DNAJB6: variants seen among roughly 807,000 people sequenced by gnomAD.
DNAJB6 encodes DnaJ heat shock protein family (Hsp40) member B6, also known as dnaJ homolog subfamily B member 6.
Under a neutral mutation model 42.7 loss-of-function variants are expected in DNAJB6, and 16 were observed. The ratio of observed to expected loss-of-function variants is 0.37; its 90% CI spans 0.25 to 0.57. The LOEUF is 0.57. Among genes scored for constraint, DNAJB6 ranks in the 20% least tolerant of loss-of-function variants. The pLI is 0.74. For missense variants in DNAJB6, 347 were observed against 416.8 expected, an observed-to-expected ratio of 0.83 and a Z score of 1.46; for synonymous variants, 170 against 163.5, an observed-to-expected ratio of 1.04 and a Z score of -0.30.
chr7:157,363,914 G>C (rs1194194148), intron 3 of DNAJB6, among the ~76,000 whole-genome samples: 2 of 152,064 alleles, frequency 1.3e-5, no homozygotes, highest in East Asian at 3.9e-4. Flanking sequence ...GGCCTGGGGT[G>C]GGGGAACAGT....
intron 8 of DNAJB6, among the ~76,000 whole-genome samples, chr7:157,397,885 C>T (rs988814856): frequency 1.3e-5 from 2 of 152,228 alleles, no homozygotes; most frequent in Admixed American, 1.3e-4. Context: ...GCGTGGTGGC[C>T]CACGCCTGTA....
chr7:157,339,636 TGTGTGTGTGTGA>T (rs199969541), intron 1 of DNAJB6, among the ~76,000 whole-genome samples: 10,147 of 74,894 alleles, frequency 0.14, 462 homozygotes, highest in Middle Eastern at 0.28. Flanking sequence ...TGTGTGTGTG[TGTGTGTGTGTGA>T]GATGGAGTTT....
intron 8 of DNAJB6, among the ~76,000 whole-genome samples, chr7:157,386,617 CA>C (rs58648739): frequency 0.55 from 84,057 of 151,984 alleles, 23,548 homozygotes; most frequent in East Asian, 0.75. Flanking sequence ...CGCGGTAGCT[CA>C]ACGCCTGTAA....
At chr7:157,399,469 C>T (rs562909966) in intron 8 of DNAJB6, among the ~76,000 whole-genome samples, 3 of 152,334 alleles carry the variant, frequency 2.0e-5, no homozygotes, top group Admixed American at 1.3e-4. Context: ...AGGTTTGTAT[C>T]CTTGCCGTTG....
chr7:157,389,236 T>C (rs1801223787), intron 8 of DNAJB6, among the ~76,000 whole-genome samples: 1 of 152,252 alleles, frequency 6.6e-6, no homozygotes, highest in Non-Finnish European at 1.5e-5. Flanking sequence ...CTAGATATCA[T>C]TTCTTTCCGG....
chr7:157,376,201 G>T (rs549139728), intron 5 of DNAJB6, among the ~76,000 whole-genome samples: 1 of 152,270 alleles, frequency 6.6e-6, no homozygotes, highest in South Asian at 2.1e-4. Context: ...TGTTCTTCAA[G>T]TTTGTATGTG....
chr7:157,347,810 T>C (rs541906654), intron 1 of DNAJB6, among the ~76,000 whole-genome samples: 21 of 152,358 alleles, frequency 1.4e-4, no homozygotes, highest in African/African-American at 4.8e-4. Flanking sequence ...TTATTTGTTT[T>C]TTTGAGTTGG....
At chr7:157,415,895 A>G (rs1584956328) in intron 9 of DNAJB6, 121 bp from the exon 10 acceptor site, 1 of 1,566,460 alleles carries the variant, frequency 6.4e-7, no homozygotes, top group Non-Finnish European at 8.7e-7. Flanking sequence ...TGGCCAAGAT[A>G]GATGACTTCA....
chr7:157,406,107 C>T (rs1291886138), intron 8 of DNAJB6, among the ~76,000 whole-genome samples: 1 of 152,236 alleles, frequency 6.6e-6, no homozygotes, highest in Non-Finnish European at 1.5e-5. Flanking sequence ...CTGTTCAGAC[C>T]AACTGTGTGT....
chr7:157,348,695 T>G (rs1293144674), intron 1 of DNAJB6, among the ~76,000 whole-genome samples: 1 of 152,160 alleles, frequency 6.6e-6, no homozygotes, highest in Non-Finnish European at 1.5e-5. Flanking sequence ...ACACCACCGC[T>G]TAACTCTTCT....
intron 9 of DNAJB6, chr7:157,415,132 C>G (rs930676436): frequency 6.6e-6 from 1 of 152,268 alleles, no homozygotes; most frequent in African/African-American, 2.4e-5. Flanking sequence ...CCTGCCCTGC[C>G]TGCTGCCGGC....
chr7:157,343,205 G>C (rs1253886240), intron 1 of DNAJB6, among the ~76,000 whole-genome samples: 3 of 151,728 alleles, frequency 2.0e-5, no homozygotes, highest in African/African-American at 7.3e-5. Context: ...CTGTTGCTCA[G>C]GCAGGAGTGC....
chr7:157,341,293 T>G (rs140399825), intron 1 of DNAJB6, among the ~76,000 whole-genome samples: 1 of 151,812 alleles, frequency 6.6e-6, no homozygotes. Flanking sequence ...CCCGACTGAT[T>G]TTTGTATTTT....
intron 2 of DNAJB6, among the ~76,000 whole-genome samples, chr7:157,361,580 G>A (rs1799599712): frequency 6.6e-6 from 1 of 152,198 alleles, no homozygotes; most frequent in Admixed American, 6.5e-5. Context: ...GTTAAATTGA[G>A]CCACAACAGC....
intron 2 of DNAJB6, among the ~76,000 whole-genome samples, chr7:157,362,701 G>A (rs562085329): frequency 6.6e-6 from 1 of 152,280 alleles, no homozygotes; most frequent in East Asian, 1.9e-4. Flanking sequence ...GCTCAGTCTT[G>A]TCACTGTCAG....
At chr7:157,371,036 C>G (rs1466936545) in intron 5 of DNAJB6, among the ~76,000 whole-genome samples, 1 of 152,200 alleles carries the variant, frequency 6.6e-6, no homozygotes, top group Non-Finnish European at 1.5e-5. Flanking sequence ...TGAGCCCCAC[C>G]TCCTATCAGC....
chr7:157,391,253 G>A (rs1364994054), intron 8 of DNAJB6, among the ~76,000 whole-genome samples: 1 of 152,180 alleles, frequency 6.6e-6, no homozygotes, highest in Non-Finnish European at 1.5e-5. Context: ...GACACGTTTC[G>A]TACACACATT....
intron 1 of DNAJB6, among the ~76,000 whole-genome samples, chr7:157,337,352 C>T (rs1316113207): frequency 2.8e-5 from 4 of 144,948 alleles, no homozygotes; most frequent in Non-Finnish European, 6.1e-5. Context: ...GGGCCGGGGC[C>T]GGGGCTGGGG....
chr7:157,402,673 G>A (rs1233747276), intron 8 of DNAJB6, among the ~76,000 whole-genome samples: 1 of 152,234 alleles, frequency 6.6e-6, no homozygotes, highest in Non-Finnish European at 1.5e-5. Context: ...TGGGGACGTA[G>A]GCCCCAGTCA....
Sources: allele counts gnomAD v4.1 joint callset (sites outside exome capture counted in the v4.1 genomes callset), GRCh38; gene constraint gnomAD v4.1.1; transcripts MANE v1.5; gene names NCBI Gene and HGNC (gene_info 2026-07-23, HGNC 2026-07-21).